WWOX: variants seen among roughly 807,000 people sequenced by gnomAD.
The protein encoded by WWOX is WW domain containing oxidoreductase.
In WWOX, 69 loss-of-function variants were observed where a neutral mutation model predicts 46.2. That is an observed-to-expected ratio of 1.49 (90% CI 1.23 to 1.82). The LOEUF is 1.82. Ranked by LOEUF, WWOX falls within the 40% of genes most tolerant of loss-of-function variation. WWOX has a pLI of 0.00. For missense variants in WWOX, 919 were observed against 542.6 expected (o/e 1.69, Z -6.89); for synonymous variants, 359 against 202.6 (o/e 1.77, Z -6.56).
At chr16:78,163,354 A>G (rs963508581) in intron 4 of WWOX, among the ~76,000 whole-genome samples, 1 of 152,196 alleles carries the variant, frequency 6.6e-6, no homozygotes, top group Admixed American at 6.5e-5. Context: ...GTCTCTTGTT[A>G]TTACAGCGAG....
chr16:78,822,642 G>A (rs2051535566), intron 8 of WWOX, among the ~76,000 whole-genome samples: 1 of 152,288 alleles, frequency 6.6e-6, no homozygotes, highest in East Asian at 1.9e-4. Flanking sequence ...CCTAATGGGT[G>A]GAATATTATT....
chr16:78,103,086 C>T (rs11642151), intron 1 of WWOX, among the ~76,000 whole-genome samples: 56,743 of 151,626 alleles, frequency 0.37, 10,824 homozygotes, highest in South Asian at 0.51. Flanking sequence ...GTGCCCCCTG[C>T]GCCTGCCTTC....
intron 8 of WWOX, among the ~76,000 whole-genome samples, chr16:78,453,134 T>G (rs78571963): frequency 0.09 from 13,758 of 152,124 alleles, 835 homozygotes; most frequent in South Asian, 0.19. Flanking sequence ...GTAAAAAATT[T>G]ATTCCTCAGC....
intron 8 of WWOX, among the ~76,000 whole-genome samples, chr16:78,987,647 G>T (rs989851245): frequency 6.6e-6 from 1 of 152,126 alleles, no homozygotes; most frequent in Non-Finnish European, 1.5e-5. Flanking sequence ...TTGCATGATG[G>T]TGCATATGTC....
At chr16:78,923,041 G>C (rs1444974299) in intron 8 of WWOX, among the ~76,000 whole-genome samples, 1 of 149,422 alleles carries the variant, frequency 6.7e-6, no homozygotes, top group Non-Finnish European at 1.5e-5. Flanking sequence ...GAGTGCAATG[G>C]CGCAATGTTG....
intron 8 of WWOX, among the ~76,000 whole-genome samples, chr16:78,474,127 C>G (rs995769809): frequency 1.3e-5 from 2 of 152,318 alleles, no homozygotes; most frequent in Non-Finnish European, 2.9e-5. Flanking sequence ...TGTAAAATGA[C>G]TGTTACACGT....
chr16:78,584,884 T>C (rs914009070), intron 8 of WWOX, among the ~76,000 whole-genome samples: 3 of 152,198 alleles, frequency 2.0e-5, no homozygotes, highest in Non-Finnish European at 4.4e-5. Context: ...TCTCAAAACA[T>C]TTGAGAGAAT....
rs186939779 is a variant in WWOX, at chr16:78,422,291, C to T, written c.606-2579C>T. On this transcript the variant is annotated intron_variant, in intron 6 of 8. Transcript: ENST00000566780. Reference sequence around the variant, plus strand: ...TTTCTATAAAGATTTTTATGTTTCCCTTTATTGCATGCCAATGTTTGTTTT... The same window carrying T: ...TTTCTATAAAGATTTTTATGTTTCCTTTTATTGCATGCCAATGTTTGTTTT... Among the ~76,000 whole-genome samples, 24 of 152,046 alleles carry T rather than the reference C, an allele frequency of 1.6e-4. No individual in the cohort carries two copies. In the East Asian group the frequency reaches 1.9e-3, roughly 12 times the overall value.
intron 8 of WWOX, among the ~76,000 whole-genome samples, chr16:78,797,478 A>G (rs1387400615): frequency 6.6e-6 from 1 of 151,900 alleles, no homozygotes. Context: ...TCTAATTTGT[A>G]GAGATGTTCT....
At chr16:78,187,262 A>G (rs962264256) in intron 5 of WWOX, among the ~76,000 whole-genome samples, 7 of 152,190 alleles carry the variant, frequency 4.6e-5, no homozygotes, top group African/African-American at 9.7e-5. Context: ...AGTTATGCCA[A>G]ACTTTGCAAG....
At chr16:79,091,243 C>G (rs1277690772) in intron 8 of WWOX, among the ~76,000 whole-genome samples, 1 of 151,824 alleles carries the variant, frequency 6.6e-6, no homozygotes, top group Non-Finnish European at 1.5e-5. Context: ...AAAGCAAAAA[C>G]AAAAAACTAA....
chr16:78,431,974 C>G (rs2083229232), intron 7 of WWOX, among the ~76,000 whole-genome samples: 1 of 152,114 alleles, frequency 6.6e-6, no homozygotes, highest in African/African-American at 2.4e-5. Context: ...CCTCAGCTTC[C>G]TAAAGTGCTG....
chr16:78,587,279 C>G (rs2045233161), intron 8 of WWOX, among the ~76,000 whole-genome samples: 1 of 150,258 alleles, frequency 6.7e-6, no homozygotes, highest in Admixed American at 6.7e-5. Context: ...GCAATCCTCC[C>G]ATCTTGGCCT....
At chr16:78,681,003 C>G (rs538335230) in intron 8 of WWOX, among the ~76,000 whole-genome samples, 23 of 152,280 alleles carry the variant, frequency 1.5e-4, no homozygotes, top group Admixed American at 1.5e-3. Flanking sequence ...AATCCCAGCA[C>G]TTTGGGAGGC....
At chr16:78,364,357 G>T (rs1314294995) in intron 5 of WWOX, among the ~76,000 whole-genome samples, 1 of 152,126 alleles carries the variant, frequency 6.6e-6, no homozygotes, top group African/African-American at 2.4e-5. Context: ...TAATTACAAG[G>T]CATTGTATCG....
chr16:78,898,920 TAATA>T (rs2044762146), intron 8 of WWOX: 1 of 152,178 alleles, frequency 6.6e-6, no homozygotes, highest in African/African-American at 2.4e-5. Flanking sequence ...TGTTTGTTTC[TAATA>T]TATAGAAATA....
intron 5 of WWOX, among the ~76,000 whole-genome samples, chr16:78,380,970 T>G (rs1297906829): frequency 6.6e-6 from 1 of 152,006 alleles, no homozygotes; most frequent in Non-Finnish European, 1.5e-5. Context: ...TAATCTTCAC[T>G]CTAACCATAG....
intron 5 of WWOX, among the ~76,000 whole-genome samples, chr16:78,368,662 G>A (rs931963086): frequency 3.3e-5 from 5 of 152,204 alleles, no homozygotes; most frequent in Non-Finnish European, 5.9e-5. Context: ...GCTTCTAATG[G>A]ACATTTGTAA....
At chr16:78,578,254 T>TTATATATATATATA (rs1194130355) in intron 8 of WWOX, among the ~76,000 whole-genome samples, 357 of 31,562 alleles carry the variant, frequency 0.011, 15 homozygotes, top group Non-Finnish European at 0.014. Context: ...ATACCAAATT[T>TTATATATATATATA]TATATATATA....
Sources: gnomAD v4.1 joint callset for allele counts (sites outside exome capture counted in the v4.1 genomes callset) on GRCh38, gnomAD v4.1.1 for gene constraint, MANE v1.5 for transcripts, NCBI Gene and HGNC (gene_info 2026-07-23, HGNC 2026-07-21) for gene names.